BTBD9: variants seen among roughly 807,000 people sequenced by gnomAD.
The protein encoded by BTBD9 is BTB domain containing 9.
BTBD9 carries 49 observed loss-of-function variants against 64.3 expected under a neutral mutation model. The ratio of observed to expected loss-of-function variants is 0.76; its 90% CI spans 0.61 to 0.97. BTBD9 has a LOEUF of 0.97. BTBD9 is among the 50% of genes least tolerant of loss of function. The pLI is 0.00. For missense variants in BTBD9, 598 were observed against 762.1 expected, an observed-to-expected ratio of 0.78 and a Z score of 2.53; for synonymous variants, 260 against 274.7, an observed-to-expected ratio of 0.95 and a Z score of 0.53.
chr6:38,540,800 A>C (rs922434162), intron 6 of BTBD9, among the ~76,000 whole-genome samples: 41 of 152,226 alleles, frequency 2.7e-4, no homozygotes, highest in Non-Finnish European at 4.3e-4. Context: ...ACTGGAAGCG[A>C]ATGTTAAGAT....
intron 7 of BTBD9, among the ~76,000 whole-genome samples, chr6:38,310,320 A>G (rs1762781745): frequency 6.6e-6 from 1 of 152,056 alleles, no homozygotes; most frequent in Non-Finnish European, 1.5e-5. Context: ...ACGCCTCCTG[A>G]GCTGTGAACT....
intron 6 of BTBD9, among the ~76,000 whole-genome samples, chr6:38,490,120 T>G (rs1034640440): frequency 3.3e-5 from 5 of 152,120 alleles, no homozygotes; most frequent in Admixed American, 1.3e-4. Flanking sequence ...GAGGTTCCAC[T>G]CAGTGTTGGC....
rs568060516 is a variant in BTBD9 at position 38,543,814 on chromosome 6, G to A, written c.1154+33786C>T. ...CTACTAAAAATACAAAAAATTAGCCGGGCGTGTTGGCGGGCGCCTGTAGTC... is the reference window on the plus strand; with the variant it reads ...CTACTAAAAATACAAAAAATTAGCCAGGCGTGTTGGCGGGCGCCTGTAGTC... On this transcript the variant is annotated intron_variant, in intron 6 of 10. Transcript: ENST00000481247. 1.3e-3 allele frequency among the ~76,000 whole-genome samples: 202 copies of A among 152,094 alleles called. 2 individuals are homozygous for A. Among genetic ancestry groups the A allele is most frequent in the Non-Finnish European group, 2.0e-3 (135 of 67,982 alleles).
intron 7 of BTBD9, 120 bp downstream of exon 7, chr6:38,344,864 A>G (rs980891736): frequency 1.9e-5 from 10 of 534,590 alleles, no homozygotes; most frequent in African/African-American, 1.5e-4. Context: ...GTCACCTAGC[A>G]ATAAGGCATT....
intron 6 of BTBD9, among the ~76,000 whole-genome samples, chr6:38,496,563 T>C (rs1771966920): frequency 6.6e-6 from 1 of 151,294 alleles, no homozygotes; most frequent in Non-Finnish European, 1.5e-5. Context: ...GCAGGAGGAC[T>C]GCTTTAGCCC....
rs1168862803 is a variant in BTBD9 at position 38,171,855 on chromosome 6, AAAAAAAAAAAAAAAAAAAAAAAAAAAAT to A, written c.*3102_*3129del. 2.2e-4 allele frequency: 8 copies of A among 35,622 alleles called. No individual in the cohort carries two copies. Among genetic ancestry groups the A allele is most frequent in the African/African-American group, 6.9e-4 (8 of 11,562 alleles). The allele number at this position is 35,622 out of a possible 1,614,324, so 2.2% of individuals were successfully genotyped here. A position where few individuals can be genotyped will look rare whatever the true frequency, so the allele number is the denominator to read the frequency against. Reference sequence around the variant, plus strand: ...GTTGCCTTTCTACTCTCAAAAAAAAAAAAAAAAAAAAAAAAAAAAAAAAAAAATAATAATAATAATAATAATAATAATA... The same window carrying A: ...GTTGCCTTTCTACTCTCAAAAAAAAAAATAATAATAATAATAATAATAATA... On this transcript the variant is annotated 3_prime_UTR_variant, in exon 11 of 11. Coordinates refer to ENST00000481247, the MANE Select transcript of BTBD9 (RefSeq NM_001099272.2).
intron 6 of BTBD9, among the ~76,000 whole-genome samples, chr6:38,546,428 A>T (rs1774557361): frequency 6.6e-6 from 1 of 152,206 alleles, no homozygotes; most frequent in African/African-American, 2.4e-5. Context: ...CCTAATTGAT[A>T]TACATGGTGA....
intron 1 of BTBD9, among the ~76,000 whole-genome samples, chr6:38,611,643 T>C (rs567579850): frequency 3.9e-5 from 6 of 152,260 alleles, no homozygotes; most frequent in Admixed American, 2.6e-4. Context: ...AATAAACAAG[T>C]ATGACACTAA....
chr6:38,198,650 G>C (rs938093819), intron 9 of BTBD9, among the ~76,000 whole-genome samples: 3 of 152,190 alleles, frequency 2.0e-5, no homozygotes, highest in African/African-American at 7.2e-5. Flanking sequence ...TTCTGCAGCA[G>C]ACCTGTTGAA....
At chr6:38,183,515 C>T (rs1029990920) in intron 10 of BTBD9, among the ~76,000 whole-genome samples, 1 of 152,226 alleles carries the variant, frequency 6.6e-6, no homozygotes, top group African/African-American at 2.4e-5. Flanking sequence ...TCAGTGCATC[C>T]TCTGCCTCCC....
intron 8 of BTBD9, among the ~76,000 whole-genome samples, chr6:38,256,924 C>T (rs1474335759): frequency 6.6e-6 from 1 of 152,136 alleles, no homozygotes; most frequent in Non-Finnish European, 1.5e-5. Context: ...CTCTGTCACC[C>T]TGGCTGGAGT....
At chr6:38,443,203 G>A (rs982658321) in intron 6 of BTBD9, among the ~76,000 whole-genome samples, 2 of 152,206 alleles carry the variant, frequency 1.3e-5, no homozygotes, top group Non-Finnish European at 2.9e-5. Flanking sequence ...TCAGGCTGCT[G>A]TGAGGGGAAT....
Position 38,330,632 on chromosome 6 carries a change from A to G in BTBD9, c.1264+14352T>C, listed in dbSNP as rs762409648. On this transcript the variant is annotated intron_variant, in intron 7 of 10. Coordinates refer to ENST00000481247, the MANE Select transcript of BTBD9 (RefSeq NM_001099272.2). ...AGTTCATTGGAAAAGAAAATTGGAA[A>G]GAATAGCCTAGAAAACTTAGAATAA... Among the ~76,000 whole-genome samples, 127 of 152,242 alleles carry G rather than the reference A, an allele frequency of 8.3e-4. 2 individuals are homozygous for G. The highest frequency in any genetic ancestry group is 2.4e-4 in the Non-Finnish European group (16 of 68,034).
At chr6:38,330,638 G>C (rs1338134725) in intron 7 of BTBD9, among the ~76,000 whole-genome samples, 2 of 152,108 alleles carry the variant, frequency 1.3e-5, no homozygotes, top group African/African-American at 4.8e-5. Context: ...GGAAAGAATA[G>C]CCTAGAAAAC....
At chr6:38,231,278 G>T (rs1416307455) in intron 9 of BTBD9, among the ~76,000 whole-genome samples, 2 of 152,160 alleles carry the variant, frequency 1.3e-5, no homozygotes, top group Non-Finnish European at 2.9e-5. Context: ...GACAATAATT[G>T]GTAGTAGAAA....
chr6:38,249,265 CT>C (rs1764309663), intron 9 of BTBD9, among the ~76,000 whole-genome samples: 2 of 151,606 alleles, frequency 1.3e-5, no homozygotes, highest in Admixed American at 1.3e-4. Context: ...TTCTTTCTTT[CT>C]TTTTTTGAGA....
intron 6 of BTBD9, among the ~76,000 whole-genome samples, chr6:38,529,847 T>C (rs1286207108): frequency 2.0e-5 from 3 of 152,136 alleles, no homozygotes; most frequent in African/African-American, 7.2e-5. Context: ...TCAGTGCACC[T>C]TGAAAAAGAA....
intron 6 of BTBD9, among the ~76,000 whole-genome samples, chr6:38,575,436 C>T (rs998210757): frequency 4.6e-5 from 7 of 152,134 alleles, no homozygotes; most frequent in East Asian, 1.9e-4. Context: ...GACATACAAA[C>T]GTGCAAATTA....
chr6:38,363,478 C>G (rs897203238), intron 6 of BTBD9, among the ~76,000 whole-genome samples: 11 of 152,210 alleles, frequency 7.2e-5, no homozygotes, highest in African/African-American at 2.7e-4. Flanking sequence ...ACTCTGGAGG[C>G]TGGGGCAGAA....
Sources: gnomAD v4.1 joint callset for allele counts (sites outside exome capture counted in the v4.1 genomes callset) on GRCh38, gnomAD v4.1.1 for gene constraint, MANE v1.5 for transcripts, NCBI Gene and HGNC (gene_info 2026-07-23, HGNC 2026-07-21) for gene names.